The following TENM2 variants were observed in gnomAD, a reference collection of about 807,000 sequenced individuals.
TENM2 encodes teneurin transmembrane protein 2, also known as teneurin-2.
TENM2 carries 52 observed loss-of-function variants against 245.2 expected under a neutral mutation model. That is an observed-to-expected ratio of 0.21 (90% CI 0.17 to 0.27). The LOEUF is 0.27. Ranked by LOEUF, TENM2 falls within the 10% of genes least tolerant of loss-of-function variation. The pLI is 1.00. For missense variants in TENM2, 3,046 were observed against 3,666.8 expected, an observed-to-expected ratio of 0.83 and a Z score of 4.37; for synonymous variants, 1,363 against 1,438.9, an observed-to-expected ratio of 0.95 and a Z score of 1.19.
At chr5:167,193,172 T>A in the TENM2 span, among the ~76,000 whole-genome samples, 1 of 152,042 alleles carries the variant, frequency 6.6e-6, no homozygotes, top group African/African-American at 2.4e-5. Flanking sequence ...CATTTTAGTG[T>A]CAGTTCCCAT....
chr5:168,028,943 C>G lies in TENM2; in HGVS notation c.1187-18484C>G, dbSNP rs569985751. ...GGCATGGGAATATTACTTTCTGTGC[C>G]CATGGTCCTCCCCTTAGGGATAAAC... is the stretch of plus-strand genomic sequence containing the variant. On this transcript the variant is annotated intron_variant, in intron 5 of 28. Transcript: ENST00000518659. Among the ~76,000 whole-genome samples, 6 of 152,246 alleles carry G rather than the reference C, an allele frequency of 3.9e-5. No individual in the cohort carries two copies. In the East Asian group the frequency reaches 9.7e-4, roughly 25 times the overall value.
At chr5:167,458,928 T>G (rs1766112384) in intron 2 of TENM2, among the ~76,000 whole-genome samples, 2 of 152,202 alleles carry the variant, frequency 1.3e-5, no homozygotes, top group Non-Finnish European at 2.9e-5. Flanking sequence ...GAAATACTGT[T>G]TGCATTAAAA....
intron 2 of TENM2, among the ~76,000 whole-genome samples, chr5:167,439,133 T>C (rs1405686830): frequency 6.6e-6 from 1 of 152,172 alleles, no homozygotes; most frequent in African/African-American, 2.4e-5. Context: ...AGAGTTGGTA[T>C]TGAGTTTTTC....
At chr5:168,196,523 G>A (rs752569995) in intron 15 of TENM2, among the ~76,000 whole-genome samples, 3 of 152,094 alleles carry the variant, frequency 2.0e-5, no homozygotes, top group Non-Finnish European at 1.5e-5. Context: ...GTGCAATGGC[G>A]CAATCTCGGC....
chr5:168,079,072 T>C (rs898744755), intron 7 of TENM2, among the ~76,000 whole-genome samples: 1 of 152,248 alleles, frequency 6.6e-6, no homozygotes, highest in Non-Finnish European at 1.5e-5. Context: ...GCATGGAATG[T>C]TCTTCCATTT....
intron 2 of TENM2, among the ~76,000 whole-genome samples, chr5:167,858,661 C>G (rs1426211208): frequency 6.6e-6 from 1 of 151,466 alleles, no homozygotes; most frequent in African/African-American, 2.4e-5. Flanking sequence ...GGAGCCGGGA[C>G]AGTCGCGGCG....
chr5:167,918,076 C>T (rs1001661603), intron 3 of TENM2, among the ~76,000 whole-genome samples: 4 of 152,092 alleles, frequency 2.6e-5, no homozygotes, highest in African/African-American at 9.7e-5. Flanking sequence ...GTTAGTGCTC[C>T]GTGAAGGTTA....
intron 3 of TENM2, among the ~76,000 whole-genome samples, chr5:167,916,243 A>G (rs1776925330): frequency 6.6e-6 from 1 of 152,148 alleles, no homozygotes; most frequent in Non-Finnish European, 1.5e-5. Flanking sequence ...TGGAAGCAAA[A>G]TATTCTTTCT....
the TENM2 span, among the ~76,000 whole-genome samples, chr5:167,219,997 A>C: frequency 1.3e-5 from 2 of 152,180 alleles, no homozygotes; most frequent in East Asian, 3.8e-4. Context: ...TTGTGCATGA[A>C]ATCTTATTTT....
intron 3 of TENM2, among the ~76,000 whole-genome samples, chr5:167,925,449 A>C (rs771765787): frequency 6.6e-6 from 1 of 152,332 alleles, no homozygotes; most frequent in East Asian, 1.9e-4. Flanking sequence ...CGATAGTTAC[A>C]TGGGTATATG....
the TENM2 span, among the ~76,000 whole-genome samples, chr5:167,226,207 T>C: frequency 6.6e-6 from 1 of 151,996 alleles, no homozygotes; most frequent in African/African-American, 2.4e-5. Context: ...TGGGTTTGGT[T>C]TATTCTTCCT....
chr5:167,983,497 T>C (rs187565888), intron 4 of TENM2, among the ~76,000 whole-genome samples: 32 of 152,312 alleles, frequency 2.1e-4, no homozygotes, highest in African/African-American at 7.5e-4. Flanking sequence ...ATTTTCCTGT[T>C]GTTCACGGCA....
intron 12 of TENM2, among the ~76,000 whole-genome samples, chr5:168,146,846 A>G (rs78181310): frequency 0.022 from 3,323 of 152,310 alleles, 127 homozygotes; most frequent in African/African-American, 0.074. Flanking sequence ...ACCAGGCTTA[A>G]TCATTGCACT....
the TENM2 span, among the ~76,000 whole-genome samples, chr5:167,219,161 A>G: frequency 2.1e-3 from 326 of 152,290 alleles, 1 homozygote; most frequent in Non-Finnish European, 3.2e-3. Context: ...TATGCAGGGC[A>G]TAGAGGCTCA....
intron 2 of TENM2, among the ~76,000 whole-genome samples, chr5:167,419,524 T>G (rs6899302): frequency 2.6e-5 from 4 of 151,984 alleles, no homozygotes; most frequent in Non-Finnish European, 5.9e-5. Context: ...AACGACAAAA[T>G]TTCATCAGCA....
chr5:167,774,877 C>T (rs915113204), intron 2 of TENM2, among the ~76,000 whole-genome samples: 3 of 152,158 alleles, frequency 2.0e-5, no homozygotes, highest in African/African-American at 7.2e-5. Context: ...ATGATAGTTT[C>T]CCCCCAGTGC....
chr5:167,462,191 C>CCCT (rs1358202185), intron 2 of TENM2, among the ~76,000 whole-genome samples: 2 of 136,946 alleles, frequency 1.5e-5, no homozygotes, highest in African/African-American at 5.3e-5. Flanking sequence ...ACCCCCCCCC[C>CCCT]CCATTGCAGG....
the TENM2 span, among the ~76,000 whole-genome samples, chr5:167,009,690 A>T: frequency 2.4e-3 from 368 of 150,700 alleles, 1 homozygote; most frequent in African/African-American, 6.9e-3. Flanking sequence ...GCACATAAAA[A>T]TTTTTTTTTT....
At chr5:168,112,227 T>TA (rs1430882687) in intron 9 of TENM2, among the ~76,000 whole-genome samples, 1 of 152,146 alleles carries the variant, frequency 6.6e-6, no homozygotes, top group Admixed American at 6.5e-5. Context: ...TGTATGGAAT[T>TA]TTTTTTAACT....
Sources: allele counts gnomAD v4.1 joint callset (sites outside exome capture counted in the v4.1 genomes callset), GRCh38; gene constraint gnomAD v4.1.1; transcripts MANE v1.5; gene names NCBI Gene and HGNC (gene_info 2026-07-23, HGNC 2026-07-21).